Variants in TAF3 observed in about 807,000 individuals in gnomAD.
TAF3 encodes transcription initiation factor TFIID subunit 3.
A neutral mutation model predicts 80.6 loss-of-function variants in TAF3; 7 were observed. The observed-to-expected ratio is 0.09, with a 90% confidence interval of 0.05 to 0.16. The LOEUF (loss-of-function observed/expected upper bound fraction) is 0.16. TAF3 is among the 10% of genes least tolerant of loss of function. The pLI, the probability that TAF3 is intolerant of heterozygous loss-of-function variation, is 1.00. For missense variants in TAF3, 921 were observed against 1,140.2 expected, an observed-to-expected ratio of 0.81 and a Z score of 2.77; for synonymous variants, 444 against 446.1, an observed-to-expected ratio of 1.00 and a Z score of 0.06.
At chr10:8,013,900 A>G in intron 6 of TAF3, 63 bp downstream of exon 6, 1 of 1,366,360 alleles carries the variant, frequency 7.3e-7, no homozygotes, top group Non-Finnish European at 1.0e-6. Flanking sequence ...TCCTGAGATG[A>G]AGCATCCACT....
intron 2 of TAF3, among the ~76,000 whole-genome samples, chr10:7,929,989 C>G (rs1483307169): frequency 6.6e-6 from 1 of 152,106 alleles, no homozygotes; most frequent in Non-Finnish European, 1.5e-5. Flanking sequence ...ATTGTTTGAG[C>G]CCAGGACTTC....
intron 2 of TAF3, among the ~76,000 whole-genome samples, chr10:7,957,526 C>G (rs547457087): frequency 1.3e-5 from 2 of 152,262 alleles, no homozygotes; most frequent in Non-Finnish European, 2.9e-5. Flanking sequence ...TCAGAATACT[C>G]TCAAGATAAA....
Position 7,892,815 on chromosome 10 carries a change from T to C in TAF3, c.409+68255T>C, listed in dbSNP as rs1244585543. On this transcript the variant is annotated intron_variant, in intron 2 of 6. Transcript: ENST00000344293. ...TTATTTCAATATATTTTCTTTTCTT[T>C]TTCTTTTTTTTTTTTTTTTGAGACG... Among the ~76,000 whole-genome samples, 3 of 151,360 alleles carry C rather than the reference T, an allele frequency of 2.0e-5. No individual in the cohort carries two copies. In the East Asian group the frequency reaches 5.8e-4, roughly 29 times the overall value.
chr10:7,896,236 A>G (rs1458553870), intron 2 of TAF3, among the ~76,000 whole-genome samples: 2 of 152,146 alleles, frequency 1.3e-5, no homozygotes, highest in African/African-American at 4.8e-5. Flanking sequence ...ACCCTTCTCT[A>G]TATTCTTTTT....
In TAF3 at chr10:7,960,357, CAG is replaced by C. The variant is rs201175909; in HGVS notation, c.410-3562_410-3561del. Among the ~76,000 whole-genome samples, 565 of 152,200 alleles carry C rather than the reference CAG, an allele frequency of 3.7e-3. 4 individuals are homozygous for C. The highest frequency in any genetic ancestry group is 0.02 in the South Asian group (96 of 4,826). The stretch of plus-strand genomic sequence containing the variant: ...TGAGCTGAATGTGGTAGGTCTAGGA[CAG>C]GGGTCAGCAAACGTTTTTTTGTAAA... On this transcript the variant is annotated intron_variant, in intron 2 of 6. Coordinates refer to ENST00000344293, the MANE Select transcript of TAF3 (RefSeq NM_031923.4).
chr10:7,964,727 C>T lies in TAF3; in HGVS notation c.1217C>T (p.Pro406Leu). 1 of 1,614,208 alleles carries T rather than the reference C, an allele frequency of 6.2e-7. No individual in the cohort carries two copies. ...GCCTGTGCTGAGCGAGAGCCAGATC[C>T]TTTCGAATTTTCTTCTGGATCGGAA... ...ARACAEREPD[P>L]FEFSSGSESE... Residue 406 changes from proline to leucine, a missense_variant, in exon 3 of 7, where the codon CCT becomes CTT. By Grantham distance (98) the Pro-to-Leu change is moderately conservative. Coordinates refer to ENST00000344293, the MANE Select transcript of TAF3 (RefSeq NM_031923.4). The surrounding 1 kb of genome is among the most constrained non-coding windows in gnomAD (Gnocchi z 4.1).
At chr10:7,897,676 CTTT>C (rs1210378117) in intron 2 of TAF3, among the ~76,000 whole-genome samples, 1 of 140,590 alleles carries the variant, frequency 7.1e-6, no homozygotes, top group Admixed American at 7.1e-5. Flanking sequence ...TTCTTTCTTT[CTTT>C]TTTTTTTTTT....
intron 2 of TAF3, among the ~76,000 whole-genome samples, chr10:7,886,330 G>A (rs748514261): frequency 3.3e-5 from 5 of 152,152 alleles, no homozygotes; most frequent in Non-Finnish European, 5.9e-5. Context: ...GCATGACCTG[G>A]TCCTTCTCCA....
At chr10:7,838,468 G>A (rs1836874626) in intron 2 of TAF3, among the ~76,000 whole-genome samples, 1 of 152,040 alleles carries the variant, frequency 6.6e-6, no homozygotes, top group Non-Finnish European at 1.5e-5. Flanking sequence ...TGCAACCTCT[G>A]CCTCCCGGGT....
intron 2 of TAF3, among the ~76,000 whole-genome samples, chr10:7,879,042 A>G (rs1837336007): frequency 6.6e-6 from 1 of 152,174 alleles, no homozygotes; most frequent in Admixed American, 6.5e-5. Context: ...CAACCAATTT[A>G]GTGTTACTAC....
chr10:7,944,230 T>A (rs1838003610), intron 2 of TAF3, among the ~76,000 whole-genome samples: 1 of 151,712 alleles, frequency 6.6e-6, no homozygotes, highest in African/African-American at 2.4e-5. Flanking sequence ...TGGATAAACA[T>A]ACTGGAATAC....
At chr10:7,983,606 G>A (rs1236360647) in intron 4 of TAF3, among the ~76,000 whole-genome samples, 1 of 152,144 alleles carries the variant, frequency 6.6e-6, no homozygotes, top group African/African-American at 2.4e-5. Flanking sequence ...AAAGAATGTT[G>A]GAGTTTTATT....
At chr10:7,948,258 C>T (rs1239944534) in intron 2 of TAF3, among the ~76,000 whole-genome samples, 1 of 139,362 alleles carries the variant, frequency 7.2e-6, no homozygotes, top group Admixed American at 7.2e-5. Context: ...TTCTTTCTTT[C>T]TTTTTTTTTT....
intron 2 of TAF3, among the ~76,000 whole-genome samples, chr10:7,838,550 T>C: frequency 6.6e-6 from 1 of 152,044 alleles, no homozygotes; most frequent in Middle Eastern, 3.2e-3. Flanking sequence ...CCTGGCTAAT[T>C]TTTGTAATTT....
rs1254313972 is a variant in TAF3, at chr10:7,945,010, C to G, written c.410-18910C>G. Among the ~76,000 whole-genome samples, 69 of 152,164 alleles carry G rather than the reference C, an allele frequency of 4.5e-4. 1 individual carries two copies. The highest frequency in any genetic ancestry group is 2.9e-5 in the Non-Finnish European group (2 of 68,036). ...CCTAGAAATATGGGCAGCATGAAAA[C>G]ATAGCATCGGACTACATAACTGTAG... On this transcript the variant is annotated intron_variant, in intron 2 of 6. Transcript: ENST00000344293.
At chr10:7,835,500 T>C (rs766629730) in intron 2 of TAF3, among the ~76,000 whole-genome samples, 9 of 152,204 alleles carry the variant, frequency 5.9e-5, no homozygotes, top group Non-Finnish European at 1.3e-4. Context: ...ATGTCAGTTT[T>C]CCTTTTTCTG....
intron 2 of TAF3, among the ~76,000 whole-genome samples, chr10:7,917,697 C>T (rs1034862267): frequency 7.2e-5 from 11 of 151,976 alleles, no homozygotes; most frequent in African/African-American, 2.7e-4. Flanking sequence ...CCAAGGTGGC[C>T]GTGAAAGCCT....
At chr10:7,982,465 C>T (rs1831734578) in intron 4 of TAF3, among the ~76,000 whole-genome samples, 1 of 152,134 alleles carries the variant, frequency 6.6e-6, no homozygotes, top group Admixed American at 6.5e-5. Flanking sequence ...GTGGTGTGAT[C>T]TCAGCTCACT....
chr10:7,824,661 C>G (rs1836724135), intron 2 of TAF3, 101 bp downstream of exon 2: 1 of 1,384,016 alleles, frequency 7.2e-7, no homozygotes, highest in Admixed American at 2.2e-5. Flanking sequence ...TCTGGAAACA[C>G]AATAGAAACA....
Sources: allele counts gnomAD v4.1 joint callset (sites outside exome capture counted in the v4.1 genomes callset), GRCh38; gene constraint gnomAD v4.1.1; non-coding constraint Gnocchi (gnomAD v3.1); transcripts MANE v1.5; gene names NCBI Gene and HGNC (gene_info 2026-07-23, HGNC 2026-07-21).